PCDHGA5: variants seen among roughly 807,000 people sequenced by gnomAD.
The protein encoded by PCDHGA5 is protocadherin gamma-A5.
Under a neutral mutation model 56.7 loss-of-function variants are expected in PCDHGA5, and 36 were observed. That is an observed-to-expected ratio of 0.64 (90% CI 0.49 to 0.84). The LOEUF (loss-of-function observed/expected upper bound fraction) is 0.84, where lower values mean the gene tolerates loss of function less well. PCDHGA5 is among the 40% of genes least tolerant of loss of function. PCDHGA5 has a pLI of 0.00. For synonymous variants in PCDHGA5, 563 were observed against 520.2 expected, an observed-to-expected ratio of 1.08 and a Z score of -1.12; for missense variants, 1,305 against 1,201.5, an observed-to-expected ratio of 1.09 and a Z score of -1.27.
At chr5:141,394,519 C>A (rs1462431722) in intron 1 of PCDHGA5, 1 of 1,614,240 alleles carries the variant, frequency 6.2e-7, no homozygotes, top group South Asian at 1.1e-5. Context: ...GCCCTCCCCA[C>A]AGACGGTTCC....
At chr5:141,422,007 T>A in intron 1 of PCDHGA5, 1 of 1,609,966 alleles carries the variant, frequency 6.2e-7, no homozygotes, top group Non-Finnish European at 8.5e-7. Context: ...GCTCCGGAAC[T>A]CGGGTGCTGA....
At chr5:141,510,272 TAA>T (rs546154379) in intron 3 of PCDHGA5, among the ~76,000 whole-genome samples, 46 of 130,286 alleles carry the variant, frequency 3.5e-4, no homozygotes, top group South Asian at 5.0e-4. Context: ...GACTCCATCT[TAA>T]AAAAAAAAAA....
intron 1 of PCDHGA5, chr5:141,407,979 T>G: frequency 1.3e-6 from 1 of 748,940 alleles, no homozygotes; most frequent in Non-Finnish European, 2.0e-6. Context: ...ACGCCGGGGA[T>G]CCGTCAGCCT....
At chr5:141,405,330 T>C (rs750658260) in intron 1 of PCDHGA5, 1 of 1,614,206 alleles carries the variant, frequency 6.2e-7, no homozygotes, top group East Asian at 2.2e-5. Context: ...CCTTTGTGCG[T>C]CTCTGTTGAT....
At chr5:141,461,689 A>G (rs2099020485) in intron 1 of PCDHGA5, among the ~76,000 whole-genome samples, 1 of 152,120 alleles carries the variant, frequency 6.6e-6, no homozygotes, top group Admixed American at 6.6e-5. Context: ...GTTTATTTTG[A>G]GACAGAGTTT....
chr5:141,409,116 A>G (rs1236625059), intron 1 of PCDHGA5: 1 of 1,614,034 alleles, frequency 6.2e-7, no homozygotes. Flanking sequence ...AAGAATAACC[A>G]GTCATTTGAT....
chr5:141,366,540 C>G lies in PCDHGA5; in HGVS notation c.2210C>G (p.Ala737Gly). 6.2e-7 allele frequency: 1 copy of G among 1,614,260 alleles called. No individual in the cohort carries two copies. The highest frequency in any genetic ancestry group is 8.5e-7 in the Non-Finnish European group (1 of 1,180,050). ...GGCAGCAGGTTGGCGGGTGTGCCCG[C>G]CTCGCACTTTGTGGGCGTGGATGGG... Reference protein sequence around the residue: ...AEGSRLAGVPASHFVGVDGVR... With the variant: ...AEGSRLAGVPGSHFVGVDGVR... Residue 737 changes from alanine to glycine, a missense_variant, in exon 1 of 4, where the codon GCC (alanine) becomes GGC (glycine). Coordinates refer to ENST00000518069, the MANE Select transcript of PCDHGA5 (RefSeq NM_018918.3).
At position 141,489,474 on chromosome 5, in the gene PCDHGA5, C is replaced by T. The variant is rs772297075; in HGVS notation, c.2422-5333C>T. On this transcript the variant is annotated intron_variant, in intron 1 of 3. Transcript: ENST00000518069. The surrounding 1 kb of genome is among the most constrained non-coding windows in gnomAD (Gnocchi z 4.5). ...AGAATGGGCGCTATTTTTCCCTGAG[C>T]TTGATGAGTGGTGCCCTGGCAGTGA... 6.2e-7 allele frequency: 1 copy of T among 1,614,108 alleles called. No individual in the cohort carries two copies. The highest frequency in any genetic ancestry group is 8.5e-7 in the Non-Finnish European group (1 of 1,180,034).
chr5:141,394,679 C>T (rs532730881), intron 1 of PCDHGA5: 1 of 1,612,552 alleles, frequency 6.2e-7, no homozygotes, highest in African/African-American at 1.3e-5. Context: ...TGGGTCTGCA[C>T]ACGGGCGAGG....
chr5:141,505,277 G>A, intron 2 of PCDHGA5, 116 bp from the exon 3 acceptor site: 1 of 1,539,958 alleles, frequency 6.5e-7, no homozygotes, highest in African/African-American at 1.4e-5. Context: ...AGAGAAACAG[G>A]TCTTGGGCAT....
intron 3 of PCDHGA5, among the ~76,000 whole-genome samples, chr5:141,507,479 C>T (rs1050741571): frequency 1.3e-5 from 2 of 152,198 alleles, no homozygotes; most frequent in East Asian, 1.9e-4. Flanking sequence ...GACTGCTGGC[C>T]TCCTGAGGCA....
chr5:141,422,577 T>G, intron 1 of PCDHGA5: 1 of 1,613,848 alleles, frequency 6.2e-7, no homozygotes, highest in Non-Finnish European at 8.5e-7. Context: ...ACGATAACCC[T>G]CCCGTTTTTC....
At position 141,489,886 on chromosome 5, in the gene PCDHGA5, G is replaced by A; in HGVS notation, c.2422-4921G>A. ...ACATCAGCTGGTGCTTACTGCTGTG[G>A]ATGGGGGGACCCCAGCCCGCTCAGG... is the stretch of plus-strand genomic sequence containing the variant. On this transcript the variant is annotated intron_variant, in intron 1 of 3. Transcript: ENST00000518069. This position sits in a 1 kb window ranked among gnomAD's most constrained non-coding sequence, Gnocchi z 4.5. 6.2e-7 allele frequency: 1 copy of A among 1,614,256 alleles called. No individual in the cohort carries two copies. The highest frequency in any genetic ancestry group is 8.5e-7 in the Non-Finnish European group (1 of 1,180,044).
At chr5:141,453,083 A>G (rs1404530649) in intron 1 of PCDHGA5, among the ~76,000 whole-genome samples, 1 of 152,044 alleles carries the variant, frequency 6.6e-6, no homozygotes, top group African/African-American at 2.4e-5. Flanking sequence ...CTGGTTGATT[A>G]GTATATTTTC....
intron 1 of PCDHGA5, chr5:141,371,888 G>A (rs1464333099): frequency 1.2e-6 from 2 of 1,613,438 alleles, no homozygotes; most frequent in South Asian, 2.2e-5. Context: ...ACCTGGAGCC[G>A]CGGGAGCTGT....
chr5:141,372,392 T>C (rs1768728273), intron 1 of PCDHGA5: 25 of 1,614,052 alleles, frequency 1.5e-5, no homozygotes, highest in Non-Finnish European at 2.1e-5. Context: ...TCTTCGCAGA[T>C]AGCTTGCAAG....
chr5:141,489,563 T>C lies in PCDHGA5; in HGVS notation c.2422-5244T>C, dbSNP rs2099689031. ...ACCAGCTGCCTGCTGCCAGTGCAGG[T>C]GGTGACTGAACACCCCCTGGAGCTA... On this transcript the variant is annotated intron_variant, in intron 1 of 3. Coordinates refer to ENST00000518069, the MANE Select transcript of PCDHGA5 (RefSeq NM_018918.3). The surrounding 1 kb of genome is among the most constrained non-coding windows in gnomAD (Gnocchi z 4.5). 13 of 1,614,006 alleles carry C rather than the reference T, an allele frequency of 8.1e-6. No homozygotes were observed. The highest frequency in any genetic ancestry group is 1.1e-5 in the Non-Finnish European group (13 of 1,179,976).
intron 1 of PCDHGA5, chr5:141,394,756 A>T (rs757241753): frequency 1.2e-6 from 2 of 1,613,324 alleles, no homozygotes; most frequent in Non-Finnish European, 1.7e-6. Flanking sequence ...GCCGTCCAGG[A>T]CCATGGCCAG....
chr5:141,409,600 G>A (rs778681839), intron 1 of PCDHGA5: 1 of 1,613,764 alleles, frequency 6.2e-7, no homozygotes. Context: ...AGAACAACCC[G>A]CCAGGAGCCT....
Sources: allele counts gnomAD v4.1 joint callset (sites outside exome capture counted in the v4.1 genomes callset), GRCh38; gene constraint gnomAD v4.1.1; non-coding constraint Gnocchi (gnomAD v3.1); transcripts MANE v1.5; gene names NCBI Gene and HGNC (gene_info 2026-07-23, HGNC 2026-07-21).